The following TECPR2 variants were observed in gnomAD, a reference collection of about 807,000 sequenced individuals.
TECPR2 encodes the protein tectonin beta-propeller repeat-containing protein 2.
Under a neutral mutation model 138.1 loss-of-function variants are expected in TECPR2, and 65 were observed. That is an observed-to-expected ratio of 0.47 (90% confidence interval 0.39 to 0.58). The LOEUF is 0.58. TECPR2 is among the 20% of genes least tolerant of loss of function. TECPR2 has a pLI of 0.00. For synonymous variants in TECPR2, 746 were observed against 749.8 expected, an observed-to-expected ratio of 0.99 and a Z score of 0.08; for missense variants, 1,553 against 1,824.5, an observed-to-expected ratio of 0.85 and a Z score of 2.71.
intron 2 of TECPR2, among the ~76,000 whole-genome samples, chr14:102,382,247 C>T (rs935702582): frequency 6.6e-5 from 10 of 151,492 alleles, no homozygotes; most frequent in African/African-American, 2.4e-4. Flanking sequence ...GAGCCAAGAT[C>T]GCGCCATTGC....
At chr14:102,431,608 C>T (rs771017379) in intron 7 of TECPR2, among the ~76,000 whole-genome samples, 188 bp from the exon 8 acceptor site, 2 of 152,164 alleles carry the variant, frequency 1.3e-5, no homozygotes, top group African/African-American at 4.8e-5. Flanking sequence ...TCCCAAAGTG[C>T]TGGGATTACA....
intron 2 of TECPR2, among the ~76,000 whole-genome samples, chr14:102,394,876 A>G (rs1464079839): frequency 6.6e-6 from 1 of 151,974 alleles, no homozygotes; most frequent in African/African-American, 2.4e-5. Context: ...CCTTTTCTAG[A>G]CTGGGCCCTT....
At chr14:102,393,507 C>T (rs1366909090) in intron 2 of TECPR2, among the ~76,000 whole-genome samples, 1 of 152,172 alleles carries the variant, frequency 6.6e-6, no homozygotes, top group African/African-American at 2.4e-5. Context: ...AGCACACATA[C>T]AAGCACTGCA....
intron 11 of TECPR2, among the ~76,000 whole-genome samples, chr14:102,442,215 G>A (rs553884641): frequency 6.6e-6 from 1 of 152,326 alleles, no homozygotes; most frequent in South Asian, 2.1e-4. Flanking sequence ...CTGACCTTGT[G>A]ATCCGCCCGC....
intron 17 of TECPR2, among the ~76,000 whole-genome samples, chr14:102,470,105 A>G (rs1352828955): frequency 6.6e-6 from 1 of 152,164 alleles, no homozygotes; most frequent in Admixed American, 6.6e-5. Flanking sequence ...TGCTGGCCTC[A>G]TAGAATGCAC....
intron 17 of TECPR2, among the ~76,000 whole-genome samples, chr14:102,491,629 T>A (rs1891162860): frequency 6.6e-6 from 1 of 152,070 alleles, no homozygotes; most frequent in Non-Finnish European, 1.5e-5. Context: ...GCCTCACCAC[T>A]GGGCTGCAGC....
chr14:102,391,921 A>G (rs1888186974), intron 2 of TECPR2, among the ~76,000 whole-genome samples: 1 of 152,150 alleles, frequency 6.6e-6, no homozygotes, highest in African/African-American at 2.4e-5. Context: ...TTATCTCTGA[A>G]GATACCACTT....
chr14:102,490,562 C>T (rs1450851232), intron 17 of TECPR2, among the ~76,000 whole-genome samples: 3 of 152,206 alleles, frequency 2.0e-5, no homozygotes, highest in Non-Finnish European at 4.4e-5. Context: ...CCGAGTCACC[C>T]GACATCTGTG....
chr14:102,474,832 T>C (rs1407323294), intron 17 of TECPR2, among the ~76,000 whole-genome samples: 1 of 151,746 alleles, frequency 6.6e-6, no homozygotes, highest in African/African-American at 2.4e-5. Flanking sequence ...CCCCAGTAGG[T>C]TGTCCCCCCT....
rs1889130063 is a variant in TECPR2, at chr14:102,419,764, A to AT, written c.638+4974dup. ...CAACCGTGGGTTTGCTGTCCTGTGT[A>AT]TTTATGTTGCATTGTTTCATGTGTC... is the stretch of plus-strand genomic sequence containing the variant. On this transcript the variant is annotated intron_variant, in intron 5 of 19. Transcript: ENST00000359520. The surrounding 1 kb of genome is among the most constrained non-coding windows in gnomAD (Gnocchi z 4.8). Among the ~76,000 whole-genome samples, 1 of 152,092 alleles carries AT rather than the reference A, an allele frequency of 6.6e-6. No homozygotes were observed. Among genetic ancestry groups the AT allele is most frequent in the South Asian group, 2.1e-4 (1 of 4,834 alleles).
At chr14:102,488,318 C>CTTTT (rs34478835) in intron 17 of TECPR2, among the ~76,000 whole-genome samples, 1 of 139,948 alleles carries the variant, frequency 7.1e-6, no homozygotes. Context: ...TGTGCTCGGC[C>CTTTT]TTTTTTTTTT....
rs1305277206 is a variant in TECPR2, at chr14:102,420,660, G to A, written c.639-4319G>A. Among the ~76,000 whole-genome samples the A allele has an allele frequency of 1.3e-5, 2 of 152,016 alleles. No homozygotes were observed. Among genetic ancestry groups the A allele is most frequent in the African/African-American group, 4.8e-5 (2 of 41,384 alleles). ...GCTAAATTTTTTAATTTGTAGAGAT[G>A]GTGTCTCTCTAGGTCACCCAGGCTG... On this transcript the variant is annotated intron_variant, in intron 5 of 19. Coordinates refer to ENST00000359520, the MANE Select transcript of TECPR2 (RefSeq NM_014844.5). The surrounding 1 kb of genome is among the most constrained non-coding windows in gnomAD (Gnocchi z 4.1).
intron 9 of TECPR2, among the ~76,000 whole-genome samples, chr14:102,436,518 C>G (rs1425477688): frequency 6.6e-6 from 1 of 152,128 alleles, no homozygotes; most frequent in Admixed American, 6.6e-5. Flanking sequence ...AGGGGTTTTG[C>G]CATATTGCCC....
chr14:102,366,477 G>A (rs1887349924), intron 1 of TECPR2, among the ~76,000 whole-genome samples: 1 of 152,116 alleles, frequency 6.6e-6, no homozygotes, highest in African/African-American at 2.4e-5. Flanking sequence ...CTCCCAAGTA[G>A]CTGGGATTAC....
chr14:102,436,914 G>A (rs1251349456), intron 9 of TECPR2: 1 of 857,070 alleles, frequency 1.2e-6, no homozygotes, highest in Admixed American at 6.2e-5. Context: ...TGTCGGTGGG[G>A]TGGGGTATTG....
In TECPR2 at chr14:102,498,356, C is replaced by A; in HGVS notation, c.*99C>A. 7.1e-7 allele frequency: 1 copy of A among 1,407,216 alleles called. No homozygotes were observed. The highest frequency in any genetic ancestry group is 9.5e-7 in the Non-Finnish European group (1 of 1,058,106). The allele number at this position is 1,407,216 out of a possible 1,614,324, so 87.2% of individuals were successfully genotyped here. A position where few individuals can be genotyped will look rare whatever the true frequency, so the allele number is the denominator to read the frequency against. On this transcript the variant is annotated 3_prime_UTR_variant, in exon 20 of 20. Transcript: ENST00000359520. ...GTGGACGCGCTGCCTCAACACTTGT[C>A]CAGACACCTCTGGCCAGGTTGGACC...
chr14:102,497,754 TG>T, intron 19 of TECPR2, 35 bp downstream of exon 19: 1 of 1,563,004 alleles, frequency 6.4e-7, no homozygotes. Context: ...TAAGGCCCCT[TG>T]GGGTTCCCAG....
chr14:102,463,939 A>G (rs1053812406), intron 16 of TECPR2, among the ~76,000 whole-genome samples: 2 of 152,188 alleles, frequency 1.3e-5, no homozygotes, highest in African/African-American at 4.8e-5. Flanking sequence ...CAAACAGAAC[A>G]AAAAACAAAA....
intron 1 of TECPR2, among the ~76,000 whole-genome samples, chr14:102,373,026 T>A (rs1243866897): frequency 6.6e-6 from 1 of 152,228 alleles, no homozygotes. Context: ...TGAGTATGTA[T>A]GTATGCACTC....
Sources: gnomAD v4.1 joint callset for allele counts (sites outside exome capture counted in the v4.1 genomes callset) on GRCh38, gnomAD v4.1.1 for gene constraint, Gnocchi (gnomAD v3.1) non-coding constraint, MANE v1.5 for transcripts, NCBI Gene and HGNC (gene_info 2026-07-23, HGNC 2026-07-21) for gene names.